Variants in ADAM29 observed in about 807,000 individuals in gnomAD.
ADAM29 encodes the protein disintegrin and metalloproteinase domain-containing protein 29.
For synonymous variants in ADAM29, 367 were observed against 342.3 expected (o/e 1.07, Z -0.80); for missense variants, 969 against 1,001.8 (o/e 0.97, Z 0.44).
At chr4:174,952,816 A>G (rs1022627202) in intron 4 of ADAM29, among the ~76,000 whole-genome samples, 2 of 152,124 alleles carry the variant, frequency 1.3e-5, no homozygotes, top group African/African-American at 4.8e-5. Context: ...TGGGCATAGT[A>G]CCCGGGGGCA....
rs754679050 is a variant in ADAM29, at chr4:174,977,909, G to T, written c.2384G>T (p.Ser795Ile). Reference protein sequence around the residue: ...QSHPQLTPSQSQPPVTPSQRQ... With the variant: ...QSHPQLTPSQIQPPVTPSQRQ... ...CATCCTCAGTTGACGCCTTCCCAGA[G>T]TCAACCTCCTGTGACACCCTCCCAG... The change falls in exon 5 of 5, where the codon AGT becomes ATT. Residue 795 changes from serine to isoleucine, a missense_variant. Transcript: ENST00000359240. 6.3e-7 allele frequency: 1 copy of T among 1,592,410 alleles called. No individual in the cohort carries two copies. The highest frequency in any genetic ancestry group is 2.3e-5 in the East Asian group (1 of 43,346).
Position 174,975,822 on chromosome 4 carries a change from C to T in ADAM29, c.297C>T (p.Asn99=), listed in dbSNP as rs935601668. The T allele has an allele frequency of 2.5e-6, 4 of 1,614,056 alleles. No homozygotes were observed. The African/African-American group carries it at 5.3e-5, about 22-fold the overall frequency. Residue 99 remains asparagine (N), a synonymous_variant, in exon 5 of 5, where the codon AAC becomes AAT. Transcript: ENST00000359240. ...AGGACCAGCCATTTGTCCAGAATAA[C>T]TGCTACTATCATGGTTATGTGGAAG... is the stretch of plus-strand genomic sequence containing the variant. ...ILEDQPFVQN[N]CYYHGYVEGD...
chr4:174,974,198 G>C, intron 4 of ADAM29, among the ~76,000 whole-genome samples: 1 of 152,188 alleles, frequency 6.6e-6, no homozygotes, highest in Non-Finnish European at 1.5e-5. Context: ...GAAGGGGCTG[G>C]AGCAACTCCC....
intron 4 of ADAM29, among the ~76,000 whole-genome samples, chr4:174,951,742 C>T (rs762739499): frequency 2.0e-5 from 3 of 152,140 alleles, no homozygotes; most frequent in African/African-American, 7.2e-5. Flanking sequence ...AGTGGCCCTG[C>T]GCTCTCAACC....
At chr4:174,962,086 G>A (rs1314164940) in intron 4 of ADAM29, among the ~76,000 whole-genome samples, 1 of 152,112 alleles carries the variant, frequency 6.6e-6, no homozygotes, top group East Asian at 1.9e-4. Context: ...AACTTTTAAA[G>A]TAAATACTGA....
At chr4:174,939,952 T>C (rs1365787540) in intron 4 of ADAM29, among the ~76,000 whole-genome samples, 2 of 151,932 alleles carry the variant, frequency 1.3e-5, no homozygotes, top group Non-Finnish European at 2.9e-5. Context: ...CTCCCTCCCT[T>C]CCTCTCTCCT....
chr4:174,955,478 C>G (rs1443889325), intron 4 of ADAM29, among the ~76,000 whole-genome samples: 2 of 151,996 alleles, frequency 1.3e-5, no homozygotes, highest in Non-Finnish European at 2.9e-5. Context: ...CTTTCATCAG[C>G]TTATTATTGC....
chr4:174,928,116 T>C (rs1421710899), intron 2 of ADAM29, among the ~76,000 whole-genome samples: 3 of 152,152 alleles, frequency 2.0e-5, no homozygotes, highest in African/African-American at 7.2e-5. Context: ...CCTAAGGGTA[T>C]ACAAAAACCT....
chr4:174,962,325 C>T (rs1489115598), intron 4 of ADAM29, among the ~76,000 whole-genome samples: 3 of 151,970 alleles, frequency 2.0e-5, no homozygotes, highest in African/African-American at 7.2e-5. Flanking sequence ...TCCTGGCTAA[C>T]ACGGTGAAAC....
chr4:174,977,284 C>A lies in ADAM29; in HGVS notation c.1759C>A (p.His587Asn). 2 of 1,613,744 alleles carry A rather than the reference C, an allele frequency of 1.2e-6. No individual in the cohort carries two copies. The highest frequency in any genetic ancestry group is 1.3e-5 in the African/African-American group (1 of 74,994). Reference protein sequence around the residue: ...NDIMCWSTDYHLGMKGPDIGE... With the variant: ...NDIMCWSTDYNLGMKGPDIGE... The stretch of plus-strand genomic sequence containing the variant: ...CATAATGTGCTGGAGTACTGATTAC[C>A]ATTTGGGGATGAAGGGACCTGATAT... The change falls in exon 5 of 5, where the codon CAT becomes AAT. Residue 587 changes from histidine to asparagine, a missense_variant. Coordinates refer to ENST00000359240, the MANE Select transcript of ADAM29 (RefSeq NM_014269.4).
At position 174,944,308 on chromosome 4, in the gene ADAM29, G is replaced by A. The variant is rs183459547; in HGVS notation, c.-181+7295G>A. Among the ~76,000 whole-genome samples the A allele has an allele frequency of 3.6e-4, 54 of 152,008 alleles. No individual in the cohort carries two copies. The East Asian group carries it at 6.8e-3, about 19-fold the overall frequency. The stretch of plus-strand genomic sequence containing the variant: ...AAATAAAAACTAAGAACAAAAATCC[G>A]AGTAGGAAGAAAGGAAAGATAGTTT... On this transcript the variant is annotated intron_variant, in intron 4 of 4. Transcript: ENST00000359240.
intron 4 of ADAM29, among the ~76,000 whole-genome samples, chr4:174,962,460 C>T (rs1004713048): frequency 5.4e-5 from 8 of 148,634 alleles, no homozygotes; most frequent in East Asian, 2.0e-4. Flanking sequence ...TGCAGTGAGC[C>T]GAGATCGCGC....
intron 1 of ADAM29, among the ~76,000 whole-genome samples, chr4:174,920,046 A>G (rs541326455): frequency 3.3e-5 from 5 of 152,314 alleles, no homozygotes; most frequent in South Asian, 2.1e-4. Context: ...CATGCTTTAA[A>G]AATTAGCCCT....
intron 2 of ADAM29, chr4:174,923,682 A>G (rs1016070335): frequency 6.6e-6 from 1 of 151,932 alleles, no homozygotes; most frequent in African/African-American, 2.4e-5. Flanking sequence ...TCTTTGGGAT[A>G]TGATTTTTTT....
chr4:174,960,905 A>G (rs904885694), intron 4 of ADAM29, among the ~76,000 whole-genome samples: 6 of 152,154 alleles, frequency 3.9e-5, no homozygotes, highest in African/African-American at 1.4e-4. Context: ...ACCAATCAAA[A>G]AGAGCCCAGT....
intron 1 of ADAM29, chr4:174,918,950 A>T (rs1655170264): frequency 6.6e-6 from 1 of 152,168 alleles, no homozygotes; most frequent in African/African-American, 2.4e-5. Context: ...ATTCAGAGTC[A>T]TATGTTTGCT....
At position 174,977,974 on chromosome 4, in the gene ADAM29, G is replaced by T. The variant is rs777470655; in HGVS notation, c.2449G>T (p.Val817Leu). Reference protein sequence around the residue: ...QLMPSQSQPPVTPS With the variant: ...QLMPSQSQPPLTPS ...GATGCCTTCCCAGAGTCAACCTCCTGTGACGCCCTCCTAGAGCCAACCTCA... is the reference window on the plus strand; with the variant it reads ...GATGCCTTCCCAGAGTCAACCTCCTTTGACGCCCTCCTAGAGCCAACCTCA... Residue 817 changes from valine to leucine, a missense_variant, in exon 5 of 5, where the codon GTG becomes TTG. Transcript: ENST00000359240. 6.3e-7 allele frequency: 1 copy of T among 1,592,254 alleles called. No individual in the cohort carries two copies. Among genetic ancestry groups the T allele is most frequent in the Non-Finnish European group, 8.6e-7 (1 of 1,167,858 alleles).
At chr4:174,947,185 C>T (rs1744902290) in intron 4 of ADAM29, among the ~76,000 whole-genome samples, 1 of 151,448 alleles carries the variant, frequency 6.6e-6, no homozygotes, top group Non-Finnish European at 1.5e-5. Flanking sequence ...TTTATTTTTT[C>T]AAAAAGCCAA....
At position 174,947,020 on chromosome 4, in the gene ADAM29, C is replaced by T. The variant is rs73005849; in HGVS notation, c.-181+10007C>T. Among the ~76,000 whole-genome samples, 935 of 151,992 alleles carry T rather than the reference C, an allele frequency of 6.2e-3. 6 individuals are homozygous for T. Among genetic ancestry groups the T allele is most frequent in the African/African-American group, 0.022 (901 of 41,492 alleles). On this transcript the variant is annotated intron_variant, in intron 4 of 4. Coordinates refer to ENST00000359240, the MANE Select transcript of ADAM29 (RefSeq NM_014269.4). ...TATCCATTTCTTCTAGGTTTTCTAG[C>T]TTGTGTTCATAGAGATGTTTTTAAT...
Sources: allele counts gnomAD v4.1 joint callset (sites outside exome capture counted in the v4.1 genomes callset), GRCh38; gene constraint gnomAD v4.1.1; transcripts MANE v1.5; gene names NCBI Gene and HGNC (gene_info 2026-07-23, HGNC 2026-07-21).